Variants in SERINC5 observed in about 807,000 individuals in gnomAD.
SERINC5 encodes serine incorporator 5.
Under a neutral mutation model 63.1 loss-of-function variants are expected in SERINC5, and 41 were observed. The ratio of observed to expected loss-of-function variants is 0.65; its 90% CI spans 0.51 to 0.84. The LOEUF (loss-of-function observed/expected upper bound fraction) is 0.84. Ranked by LOEUF, SERINC5 falls within the 40% of genes least tolerant of loss-of-function variation. SERINC5 has a pLI of 0.00. For missense variants in SERINC5, 523 were observed against 573.0 expected, an observed-to-expected ratio of 0.91 and a Z score of 0.89; for synonymous variants, 222 against 215.2, an observed-to-expected ratio of 1.03 and a Z score of -0.28.
At chr5:80,226,093 T>C (rs1249394837) in intron 1 of SERINC5, among the ~76,000 whole-genome samples, 1 of 150,858 alleles carries the variant, frequency 6.6e-6, no homozygotes, top group East Asian at 1.9e-4. Context: ...TGTCTCACTC[T>C]GTCCCCCCAG....
rs139727131 is a variant in SERINC5 at position 80,140,098 on chromosome 5, G to C, written c.*3565C>G. On this transcript the variant is annotated 3_prime_UTR_variant, in exon 12 of 12. Transcript: ENST00000507668. ...TAATCCCAGCACTTTGGGAAGCCAA[G>C]GCGGGCACATTGCTTGAGCTCAGGA... is the stretch of plus-strand genomic sequence containing the variant. 9 of 953,148 alleles carry C rather than the reference G, an allele frequency of 9.4e-6. No individual in the cohort carries two copies. In the African/African-American group the frequency reaches 1.2e-4, roughly 13 times the overall value. The allele number at this position is 953,148 out of a possible 1,614,324, so 59.0% of individuals were successfully genotyped here.
intron 2 of SERINC5, among the ~76,000 whole-genome samples, chr5:80,195,158 T>C (rs958639499): frequency 1.3e-5 from 2 of 151,902 alleles, no homozygotes; most frequent in Non-Finnish European, 2.9e-5. Context: ...TGATGGTGCA[T>C]GCCTGTAATC....
intron 1 of SERINC5, among the ~76,000 whole-genome samples, chr5:80,207,236 A>G (rs1005607799): frequency 1.2e-4 from 19 of 152,138 alleles, no homozygotes; most frequent in African/African-American, 4.6e-4. Context: ...CTGACCTTGT[A>G]ATCCGCCGTC....
intron 1 of SERINC5, among the ~76,000 whole-genome samples, chr5:80,224,133 CAAAAAA>C (rs33915521): frequency 5.9e-4 from 60 of 102,132 alleles, no homozygotes; most frequent in African/African-American, 2.1e-3. Flanking sequence ...AACTCCGTCT[CAAAAAA>C]AAAAAAAAAA....
Position 80,169,323 on chromosome 5 carries a change from A to G in SERINC5, c.763+12T>C, listed in dbSNP as rs1747496667. ...AATATAAGTAACGAAGAATGGAAAA[A>G]AACATGCTTACGATTTTGGACCCAG... On this transcript the variant is annotated intron_variant, in intron 6 of 11. Transcript: ENST00000507668. The G allele has an allele frequency of 6.2e-7, 1 of 1,610,106 alleles. No homozygotes were observed. Among genetic ancestry groups the G allele is most frequent in the Non-Finnish European group, 8.5e-7 (1 of 1,176,920 alleles).
intron 12 of SERINC5, among the ~76,000 whole-genome samples, chr5:80,112,382 C>T (rs1028676030): frequency 6.6e-6 from 1 of 152,160 alleles, no homozygotes; most frequent in Non-Finnish European, 1.5e-5. Flanking sequence ...GACACACATT[C>T]CTTTGCTCAC....
Position 80,238,215 on chromosome 5 carries a change from A to G in SERINC5, c.27+17681T>C, listed in dbSNP as rs376059908. 3.9e-5 allele frequency among the ~76,000 whole-genome samples: 6 copies of G among 152,066 alleles called. No individual in the cohort carries two copies. In the East Asian group the frequency reaches 7.7e-4, roughly 20 times the overall value. ...AATAATTTACAGCTTCATGCTTTTC[A>G]AAGCCTCCAGCCAGAAGCCGCTGCT... On this transcript the variant is annotated intron_variant, in intron 1 of 11. Transcript: ENST00000507668.
chr5:80,249,369 T>C (rs532386926), intron 1 of SERINC5, among the ~76,000 whole-genome samples: 2 of 151,032 alleles, frequency 1.3e-5, no homozygotes, highest in African/African-American at 2.4e-5. Flanking sequence ...TACATATGAA[T>C]GTAAACCCAG....
Position 80,141,737 on chromosome 5 carries a change from G to A in SERINC5, c.*1926C>T. The A allele has an allele frequency of 2.0e-6, 2 of 985,438 alleles. No homozygotes were observed. The highest frequency in any genetic ancestry group is 2.4e-6 in the Non-Finnish European group (2 of 829,940). 61.0% of individuals were successfully genotyped at this position (985,438 alleles called of 1,614,324 possible). ...AACTGATTCCTCAGGTTAGAACACGGCTTTTCATTTTGCGACTCCAGATGA... is the reference window on the plus strand; with the variant it reads ...AACTGATTCCTCAGGTTAGAACACGACTTTTCATTTTGCGACTCCAGATGA... On this transcript the variant is annotated 3_prime_UTR_variant, in exon 12 of 12. Coordinates refer to ENST00000507668, the MANE Select transcript of SERINC5 (RefSeq NM_001174072.3).
chr5:80,136,938 C>T (rs190103080), downstream of SERINC5, among the ~76,000 whole-genome samples: 57 of 151,880 alleles, frequency 3.8e-4, no homozygotes, highest in Non-Finnish European at 5.9e-4. Context: ...GAGTTCCAGA[C>T]GAGCCTGGCC....
chr5:80,251,192 T>C (rs997909487), intron 1 of SERINC5, among the ~76,000 whole-genome samples: 3 of 152,042 alleles, frequency 2.0e-5, no homozygotes, highest in Non-Finnish European at 4.4e-5. Flanking sequence ...AGCAGAAAGA[T>C]TGCTTGACCC....
intron 7 of SERINC5, among the ~76,000 whole-genome samples, chr5:80,164,442 A>C (rs1747139254): frequency 1.3e-5 from 2 of 152,042 alleles, no homozygotes. Context: ...TGGTGCAATA[A>C]GAGCTCACAG....
chr5:80,212,666 G>C (rs989941788), intron 1 of SERINC5, among the ~76,000 whole-genome samples: 11 of 69,134 alleles, frequency 1.6e-4, no homozygotes, highest in East Asian at 1.2e-3. Context: ...GTGGTGGGGT[G>C]GGGGGGGGGT....
chr5:80,210,141 T>C (rs1750366644), intron 1 of SERINC5, among the ~76,000 whole-genome samples: 1 of 152,188 alleles, frequency 6.6e-6, no homozygotes, highest in African/African-American at 2.4e-5. Context: ...GTTGGGCTTT[T>C]CCCTTCTGAA....
Position 80,148,389 on chromosome 5 carries a change from C to T in SERINC5, c.1054-1105G>A, listed in dbSNP as rs568154558. ...ATTTTTAGTAGAGACGGGGTTTTTC[C>T]ATGTTGGTCAGGCTGGTCTCGAACT... On this transcript the variant is annotated intron_variant, in intron 9 of 11. Transcript: ENST00000507668. Among the ~76,000 whole-genome samples, 3 of 151,642 alleles carry T rather than the reference C, an allele frequency of 2.0e-5. 1 individual carries two copies. The South Asian group carries it at 6.3e-4, about 32-fold the overall frequency.
intron 1 of SERINC5, among the ~76,000 whole-genome samples, chr5:80,219,632 T>G (rs1750812971): frequency 6.6e-6 from 1 of 152,104 alleles, no homozygotes; most frequent in Non-Finnish European, 1.5e-5. Context: ...ACAGCCTTTG[T>G]GAGGATGCCT....
At chr5:80,169,307 A>G (rs751477607) in intron 6 of SERINC5, 28 bp downstream of exon 6, 2 of 1,586,668 alleles carry the variant, frequency 1.3e-6, no homozygotes, top group Admixed American at 1.7e-5. Context: ...AAATATAAGT[A>G]ACGAAGAATG....
intron 1 of SERINC5, among the ~76,000 whole-genome samples, chr5:80,204,049 A>G (rs1271735440): frequency 6.6e-6 from 1 of 152,214 alleles, no homozygotes; most frequent in South Asian, 2.1e-4. Context: ...AGGGTGGTGC[A>G]CCCAAACTCC....
chr5:80,231,314 C>A (rs1471334398), intron 1 of SERINC5, among the ~76,000 whole-genome samples: 1 of 152,176 alleles, frequency 6.6e-6, no homozygotes, highest in Non-Finnish European at 1.5e-5. Context: ...TGCTGACAAC[C>A]CCATTACTCA....
Sources: gnomAD v4.1 joint callset for allele counts (sites outside exome capture counted in the v4.1 genomes callset) on GRCh38, gnomAD v4.1.1 for gene constraint, MANE v1.5 for transcripts, NCBI Gene and HGNC (gene_info 2026-07-23, HGNC 2026-07-21) for gene names.